The following BCAS3 variants were observed in gnomAD, a reference collection of about 807,000 sequenced individuals.
The protein encoded by BCAS3 is BCAS3 microtubule associated cell migration factor.
In BCAS3, 53 loss-of-function variants were observed where a neutral mutation model predicts 116.1. The ratio of observed to expected loss-of-function variants is 0.46; its 90% CI spans 0.37 to 0.57. BCAS3 has a LOEUF of 0.57. BCAS3 is among the 20% of genes least tolerant of loss of function. The probability of loss-of-function intolerance (pLI) is 0.00; values close to 1 mark genes in which losing one functional copy is unlikely to be tolerated. For synonymous variants in BCAS3, 391 were observed against 408.2 expected (o/e 0.96, Z 0.51); for missense variants, 917 against 1,165.4 (o/e 0.79, Z 3.10).
intron 14 of BCAS3, among the ~76,000 whole-genome samples, chr17:60,988,430 T>A (rs2145426690): frequency 6.8e-6 from 1 of 147,100 alleles, no homozygotes; most frequent in East Asian, 2.2e-4. Flanking sequence ...TATTCCTTCC[T>A]CCTCTATTCT....
chr17:60,857,505 C>T (rs536309813), intron 7 of BCAS3, among the ~76,000 whole-genome samples: 5 of 152,324 alleles, frequency 3.3e-5, no homozygotes, highest in African/African-American at 1.2e-4. Context: ...CTGTTTTCTA[C>T]ACCATTTTTG....
At chr17:60,915,973 G>A (rs1055637297) in intron 12 of BCAS3, among the ~76,000 whole-genome samples, 2 of 152,104 alleles carry the variant, frequency 1.3e-5, no homozygotes, top group Admixed American at 6.6e-5. Context: ...GTGAGCCACC[G>A]CGCCCAGCTG....
chr17:60,813,610 G>A (rs2049050266), intron 7 of BCAS3, among the ~76,000 whole-genome samples: 1 of 152,170 alleles, frequency 6.6e-6, no homozygotes, highest in Non-Finnish European at 1.5e-5. Flanking sequence ...ATCCAACAAA[G>A]GTCTGTAGAT....
chr17:60,734,930 A>G (rs576786558), intron 5 of BCAS3, among the ~76,000 whole-genome samples: 1 of 152,348 alleles, frequency 6.6e-6, no homozygotes, highest in African/African-American at 2.4e-5. Flanking sequence ...TGACATCTTG[A>G]CAATATTGAG....
intron 6 of BCAS3, among the ~76,000 whole-genome samples, chr17:60,780,054 A>G (rs2045662708): frequency 6.7e-6 from 1 of 149,828 alleles, no homozygotes; most frequent in African/African-American, 2.5e-5. Context: ...CAGTGGCGCC[A>G]TCTCGGCTCA....
At chr17:60,796,059 C>G (rs978970793) in intron 6 of BCAS3, among the ~76,000 whole-genome samples, 3 of 152,166 alleles carry the variant, frequency 2.0e-5, no homozygotes, top group South Asian at 2.1e-4. Context: ...TAAACCATCC[C>G]TGCATCCCTG....
rs560174616 is a variant in BCAS3 at position 61,134,229 on chromosome 17, C to T, written c.2425+49665C>T. Among the ~76,000 whole-genome samples, 3 of 152,092 alleles carry T rather than the reference C, an allele frequency of 2.0e-5. No individual in the cohort carries two copies. The highest frequency in any genetic ancestry group is 4.4e-5 in the Non-Finnish European group (3 of 68,018). On this transcript the variant is annotated intron_variant, in intron 22 of 23. Coordinates refer to ENST00000407086, the MANE Select transcript of BCAS3 (RefSeq NM_017679.5). The surrounding 1 kb of genome is among the most constrained non-coding windows in gnomAD (Gnocchi z 4.6). ...AAAAGAAAGGGAAGAAATACCATTT[C>T]GTAATAAGAAGATGAGGATCAATAA...
intron 5 of BCAS3, 62 bp from the exon 6 acceptor site, chr17:60,747,136 T>G: frequency 9.0e-7 from 1 of 1,114,510 alleles, no homozygotes; most frequent in South Asian, 1.5e-5. Context: ...ATCTTGTTTT[T>G]ATATAATACT....
At chr17:61,101,778 T>C (rs1377538135) in intron 22 of BCAS3, among the ~76,000 whole-genome samples, 2 of 152,120 alleles carry the variant, frequency 1.3e-5, no homozygotes, top group African/African-American at 2.4e-5. Flanking sequence ...CTCCCTACCT[T>C]GATTTCAGAA....
At chr17:60,874,588 G>A (rs1402161916) in intron 8 of BCAS3, 74 bp from the exon 9 acceptor site, 12 of 989,406 alleles carry the variant, frequency 1.2e-5, no homozygotes, top group African/African-American at 1.6e-5. Flanking sequence ...ATGATATAAT[G>A]CATTTCTGAT....
chr17:61,336,426 G>C (rs1276171342), intron 22 of BCAS3, among the ~76,000 whole-genome samples: 1 of 151,970 alleles, frequency 6.6e-6, no homozygotes, highest in Non-Finnish European at 1.5e-5. Context: ...CTTTCCCCTG[G>C]TCTTTGTCAG....
chr17:61,387,548 C>A lies in BCAS3; in HGVS notation c.2594-4429C>A, dbSNP rs1010737819. On this transcript the variant is annotated intron_variant, in intron 23 of 23. Coordinates refer to ENST00000407086, the MANE Select transcript of BCAS3 (RefSeq NM_017679.5). The surrounding 1 kb of genome is among the most constrained non-coding windows in gnomAD (Gnocchi z 6.2). ...TCATCCTTCACTTGTTTCATGAGAG[C>A]GGAGGCACCTTTCCTTCAGTTGCTA... Among the ~76,000 whole-genome samples, 1 of 152,136 alleles carries A rather than the reference C, an allele frequency of 6.6e-6. No homozygotes were observed. Among genetic ancestry groups the A allele is most frequent in the Non-Finnish European group, 1.5e-5 (1 of 68,012 alleles).
chr17:61,074,891 G>T, intron 19 of BCAS3, 29 bp from the exon 20 acceptor site: 1 of 1,511,750 alleles, frequency 6.6e-7, no homozygotes, highest in Admixed American at 1.7e-5. Context: ...GGAATGAAGT[G>T]GTTTAAATCT....
intron 22 of BCAS3, among the ~76,000 whole-genome samples, chr17:61,146,077 C>CA: frequency 6.6e-6 from 1 of 151,644 alleles, no homozygotes; most frequent in Non-Finnish European, 1.5e-5. Context: ...CGATAGCTGA[C>CA]ACAGTACTGT....
Position 60,948,093 on chromosome 17 carries a change from T to C in BCAS3, c.1221+741T>C, listed in dbSNP as rs150190051. Reference sequence around the variant, plus strand: ...ATATTTAATATTCTTATTTAATTTTTAATTTTTATTTATTTTTATTATTTT... The same window carrying C: ...ATATTTAATATTCTTATTTAATTTTCAATTTTTATTTATTTTTATTATTTT... On this transcript the variant is annotated intron_variant, in intron 14 of 23. Coordinates refer to ENST00000407086, the MANE Select transcript of BCAS3 (RefSeq NM_017679.5). Among the ~76,000 whole-genome samples, 4 of 152,116 alleles carry C rather than the reference T, an allele frequency of 2.6e-5. No homozygotes were observed. The East Asian group carries it at 7.7e-4, about 29-fold the overall frequency.
intron 22 of BCAS3, among the ~76,000 whole-genome samples, chr17:61,237,928 A>G (rs1199017173): frequency 6.6e-6 from 1 of 152,214 alleles, no homozygotes; most frequent in Admixed American, 6.5e-5. Flanking sequence ...CCTGAATTGG[A>G]TGATGATGGT....
intron 7 of BCAS3, among the ~76,000 whole-genome samples, chr17:60,852,496 A>C (rs905229965): frequency 6.6e-6 from 1 of 152,218 alleles, no homozygotes; most frequent in Non-Finnish European, 1.5e-5. Flanking sequence ...ATTTGCTTCC[A>C]AATTTAAGCT....
chr17:60,878,936 A>G (rs1051883968), intron 9 of BCAS3, among the ~76,000 whole-genome samples: 3 of 152,334 alleles, frequency 2.0e-5, no homozygotes, highest in African/African-American at 7.2e-5. Flanking sequence ...GTGCCACTTC[A>G]TAAGTAGAAA....
rs930663026 is a variant in BCAS3 at position 61,023,835 on chromosome 17, C to A, written c.1637+7934C>A. On this transcript the variant is annotated intron_variant, in intron 16 of 23. Transcript: ENST00000407086. This position sits in a 1 kb window ranked among gnomAD's most constrained non-coding sequence, Gnocchi z 4.8. ...CCAGATTTTCCTGAGATTTGAAAAT[C>A]AGAATTCAGGTCAAAAAGGATATAA... is the stretch of plus-strand genomic sequence containing the variant. Among the ~76,000 whole-genome samples the A allele has an allele frequency of 1.3e-5, 2 of 151,936 alleles. No homozygotes were observed. The highest frequency in any genetic ancestry group is 4.8e-5 in the African/African-American group (2 of 41,372).
Sources: allele counts gnomAD v4.1 joint callset (sites outside exome capture counted in the v4.1 genomes callset), GRCh38; gene constraint gnomAD v4.1.1; non-coding constraint Gnocchi (gnomAD v3.1); transcripts MANE v1.5; gene names NCBI Gene and HGNC (gene_info 2026-07-23, HGNC 2026-07-21).